Variants in USH2A observed in about 807,000 individuals in gnomAD.
USH2A encodes Usher syndrome 2A (autosomal recessive, mild).
A neutral mutation model predicts 538.9 loss-of-function variants in USH2A; 443 were observed. That is an observed-to-expected ratio of 0.82 (90% CI 0.76 to 0.89). USH2A has a LOEUF of 0.89. Ranked by LOEUF, USH2A falls within the 40% of genes least tolerant of loss-of-function variation. The pLI, the probability that USH2A is intolerant of heterozygous loss-of-function variation, is 0.00. For missense variants in USH2A, 6,633 were observed against 6,324.8 expected (o/e 1.05, Z -1.65); for synonymous variants, 2,413 against 2,273.5 (o/e 1.06, Z -1.75).
chr1:215,893,392 T>G (rs1045028083), intron 40 of USH2A, among the ~76,000 whole-genome samples: 1 of 152,170 alleles, frequency 6.6e-6, no homozygotes, highest in African/African-American at 2.4e-5. Context: ...TATCAACCTG[T>G]GGCAATTATC....
At chr1:216,315,517 G>A (rs2102642876) in intron 9 of USH2A, among the ~76,000 whole-genome samples, 1 of 152,206 alleles carries the variant, frequency 6.6e-6, no homozygotes, top group Non-Finnish European at 1.5e-5. Context: ...TCCATCTCTA[G>A]ACAGGGATGG....
intron 61 of USH2A, among the ~76,000 whole-genome samples, chr1:215,699,181 T>A (rs951772892): frequency 3.9e-5 from 6 of 152,164 alleles, no homozygotes; most frequent in Non-Finnish European, 5.9e-5. Flanking sequence ...GGTCTATATA[T>A]CTGTTTTGGT....
chr1:216,321,042 T>C (rs2037597839), intron 9 of USH2A, among the ~76,000 whole-genome samples: 1 of 152,136 alleles, frequency 6.6e-6, no homozygotes. Flanking sequence ...AATCTTTATT[T>C]TAATATATTT....
chr1:215,839,529 C>T (rs1406767485), intron 46 of USH2A, among the ~76,000 whole-genome samples: 1 of 152,134 alleles, frequency 6.6e-6, no homozygotes. Context: ...AAGCTCTAAA[C>T]TACTTAGGTA....
At chr1:215,642,977 G>T (rs1377400658) in intron 67 of USH2A, among the ~76,000 whole-genome samples, 1 of 152,082 alleles carries the variant, frequency 6.6e-6, no homozygotes, top group African/African-American at 2.4e-5. Context: ...ATATAAAACT[G>T]CATATTCTAT....
At chr1:215,991,328 G>A (rs1667999948) in intron 35 of USH2A, among the ~76,000 whole-genome samples, 1 of 152,126 alleles carries the variant, frequency 6.6e-6, no homozygotes, top group Non-Finnish European at 1.5e-5. Flanking sequence ...TATTCTTTGG[G>A]TATTTGAGGA....
At chr1:215,731,612 AAAT>A (rs1163756928) in intron 60 of USH2A, among the ~76,000 whole-genome samples, 1 of 152,212 alleles carries the variant, frequency 6.6e-6, no homozygotes, top group Non-Finnish European at 1.5e-5. Flanking sequence ...AGGAAAACAA[AAAT>A]AAGTATAAAA....
chr1:216,175,731 T>C (rs1002743194), intron 20 of USH2A, among the ~76,000 whole-genome samples: 1 of 152,138 alleles, frequency 6.6e-6, no homozygotes, highest in Non-Finnish European at 1.5e-5. Context: ...TTCTTGAAAA[T>C]AACTTCTCTA....
chr1:216,094,469 T>G (rs992967601), intron 22 of USH2A, among the ~76,000 whole-genome samples: 1 of 151,932 alleles, frequency 6.6e-6, no homozygotes, highest in South Asian at 2.1e-4. Context: ...ATTATTCACG[T>G]TTTTTTTCTT....
At chr1:216,309,159 T>C (rs994527988) in intron 9 of USH2A, among the ~76,000 whole-genome samples, 4 of 152,204 alleles carry the variant, frequency 2.6e-5, no homozygotes, top group Non-Finnish European at 5.9e-5. Context: ...GTAGGAATTA[T>C]GGACTGATTA....
At chr1:216,137,382 G>A (rs914748618) in intron 21 of USH2A, among the ~76,000 whole-genome samples, 2 of 152,150 alleles carry the variant, frequency 1.3e-5, no homozygotes, top group Non-Finnish European at 2.9e-5. Context: ...TTACGTGGTG[G>A]CAGCAAGTGA....
chr1:216,057,404 C>A (rs2031013949), intron 30 of USH2A, among the ~76,000 whole-genome samples: 1 of 152,088 alleles, frequency 6.6e-6, no homozygotes, highest in Non-Finnish European at 1.5e-5. Flanking sequence ...GCCTGTAATG[C>A]CAGCACTTTG....
chr1:216,152,683 G>A (rs1026413756), intron 21 of USH2A, among the ~76,000 whole-genome samples: 16 of 152,246 alleles, frequency 1.1e-4, no homozygotes, highest in African/African-American at 3.9e-4. Context: ...ACACGGACAC[G>A]CATGAAATCC....
In USH2A at chr1:215,683,960, C is replaced by G. The variant is rs1444089512; in HGVS notation, c.12067-3584G>C. Among the ~76,000 whole-genome samples the G allele has an allele frequency of 5.9e-5, 6 of 101,396 alleles. 1 individual carries two copies. The highest frequency in any genetic ancestry group is 3.9e-4 in the East Asian group (1 of 2,586). The allele number at this position is 101,396 out of a possible 152,430, so 66.5% of individuals were successfully genotyped here. On this transcript the variant is annotated intron_variant, in intron 61 of 71. Coordinates refer to ENST00000307340, the MANE Select transcript of USH2A (RefSeq NM_206933.4). Reference sequence around the variant, plus strand: ...GTCCACGTCCATATTGTACGTAATTCTACAAGCATGTCAGCTACTTTTGTT... The same window carrying G: ...GTCCACGTCCATATTGTACGTAATTGTACAAGCATGTCAGCTACTTTTGTT...
chr1:216,373,047 T>C (rs2038744600), intron 3 of USH2A, among the ~76,000 whole-genome samples: 1 of 152,168 alleles, frequency 6.6e-6, no homozygotes, highest in African/African-American at 2.4e-5. Context: ...CCCATGTTTA[T>C]AAAGAAAACT....
intron 61 of USH2A, among the ~76,000 whole-genome samples, chr1:215,695,063 A>G (rs191601331): frequency 2.6e-5 from 4 of 152,330 alleles, no homozygotes; most frequent in Admixed American, 1.3e-4. Flanking sequence ...CCAAATATTC[A>G]TTTATTTTAC....
chr1:215,800,615 A>G (rs2102780244), intron 49 of USH2A, among the ~76,000 whole-genome samples: 1 of 152,322 alleles, frequency 6.6e-6, no homozygotes. Flanking sequence ...AAATTTGTTT[A>G]GTAAAAGCAA....
At chr1:216,104,638 A>T (rs1032337366) in intron 21 of USH2A, among the ~76,000 whole-genome samples, 7 of 152,178 alleles carry the variant, frequency 4.6e-5, no homozygotes, top group Admixed American at 3.9e-4. Context: ...CTGAAACTGG[A>T]TCCCTTCCTT....
intron 56 of USH2A, among the ~76,000 whole-genome samples, chr1:215,760,365 C>G (rs1660946087): frequency 6.6e-6 from 1 of 152,082 alleles, no homozygotes; most frequent in Non-Finnish European, 1.5e-5. Context: ...GCTCTGTTCT[C>G]TCTCTCCCCT....
Sources: allele counts gnomAD v4.1 joint callset (sites outside exome capture counted in the v4.1 genomes callset), GRCh38; gene constraint gnomAD v4.1.1; transcripts MANE v1.5; gene names NCBI Gene and HGNC (gene_info 2026-07-23, HGNC 2026-07-21).